DAB1: variants seen among roughly 807,000 people sequenced by gnomAD.
DAB1 encodes DAB adaptor protein 1.
In DAB1, 15 loss-of-function variants were observed where a neutral mutation model predicts 64.6. That is an observed-to-expected ratio of 0.23 (90% CI 0.16 to 0.36). The LOEUF (loss-of-function observed/expected upper bound fraction) is 0.36, where lower values mean the gene tolerates loss of function less well. Among genes scored for constraint, DAB1 ranks in the 10% least tolerant of loss-of-function variants. DAB1 has a pLI of 1.00. For synonymous variants in DAB1, 235 were observed against 251.9 expected (o/e 0.93, Z 0.64); for missense variants, 596 against 706.7 (o/e 0.84, Z 1.78).
At chr1:57,099,904 C>G (rs750048021) in intron 4 of DAB1, among the ~76,000 whole-genome samples, 1 of 152,164 alleles carries the variant, frequency 6.6e-6, no homozygotes, top group Non-Finnish European at 1.5e-5. Context: ...AGACCTGTAC[C>G]TGCCTTAACT....
At chr1:57,964,107 T>C (rs1645594246) in intron 5 of DAB1, among the ~76,000 whole-genome samples, 1 of 152,132 alleles carries the variant, frequency 6.6e-6, no homozygotes, top group African/African-American at 2.4e-5. Context: ...GGGGAGGGGC[T>C]AGGGGTAACA....
intron 7 of DAB1, among the ~76,000 whole-genome samples, chr1:57,570,092 C>T (rs963228718): frequency 9.9e-5 from 15 of 151,960 alleles, no homozygotes; most frequent in Admixed American, 8.5e-4. Flanking sequence ...GAGGGTGTTC[C>T]CATAGGAGAT....
chr1:58,087,998 T>G (rs1432941829), intron 5 of DAB1, among the ~76,000 whole-genome samples: 1 of 152,220 alleles, frequency 6.6e-6, no homozygotes, highest in East Asian at 1.9e-4. Context: ...TTTTACTGTT[T>G]GTTTTGTTTC....
At chr1:58,192,928 A>G (rs2100235938) in intron 4 of DAB1, among the ~76,000 whole-genome samples, 1 of 152,360 alleles carries the variant, frequency 6.6e-6, no homozygotes, top group African/African-American at 2.4e-5. Context: ...TGAACAAAAC[A>G]ATGTGAATGT....
chr1:57,014,001 G>A (rs931850065), intron 12 of DAB1, among the ~76,000 whole-genome samples: 8 of 152,186 alleles, frequency 5.3e-5, no homozygotes, highest in Non-Finnish European at 1.2e-4. Flanking sequence ...ACAGCTTGTG[G>A]TGGAGGAGTC....
intron 2 of DAB1, among the ~76,000 whole-genome samples, chr1:58,515,378 T>A (rs769469376): frequency 7.2e-5 from 11 of 152,194 alleles, no homozygotes. Flanking sequence ...ATTTTCTGCA[T>A]CTTTTGATTG....
intron 7 of DAB1, among the ~76,000 whole-genome samples, chr1:57,582,764 G>A (rs1173859380): frequency 1.3e-5 from 2 of 152,214 alleles, no homozygotes; most frequent in Non-Finnish European, 2.9e-5. Context: ...ACAAGATCCT[G>A]ACTTGGTTTA....
intron 4 of DAB1, among the ~76,000 whole-genome samples, chr1:57,113,383 A>G (rs968153583): frequency 6.6e-6 from 1 of 152,184 alleles, no homozygotes; most frequent in Non-Finnish European, 1.5e-5. Flanking sequence ...AGATGGGGAA[A>G]TTGAGGTACA....
intron 7 of DAB1, among the ~76,000 whole-genome samples, chr1:57,624,944 AT>A (rs1645904781): frequency 1.3e-5 from 2 of 152,246 alleles, no homozygotes; most frequent in South Asian, 4.1e-4. Context: ...ATTTTTTTCC[AT>A]TTATCTTGGG....
rs114190648 is a variant in DAB1 at position 57,612,823 on chromosome 1, T to C, written n.625+36769A>G. Among the ~76,000 whole-genome samples, 1,062 of 152,304 alleles carry C rather than the reference T, an allele frequency of 7.0e-3. 13 individuals carry two copies. The highest frequency in any genetic ancestry group is 0.025 in the African/African-American group (1,021 of 41,560). ...ACTAGAATGTAAACTGTAAACTTTA[T>C]AAATATAGGGATTATTTCCTAGAAT... On this transcript the variant is annotated intron_variant and non_coding_transcript_variant, in intron 7 of 20. Transcript: ENST00000485760.
intron 5 of DAB1, among the ~76,000 whole-genome samples, chr1:57,946,372 CCT>C: frequency 6.6e-6 from 1 of 152,144 alleles, no homozygotes; most frequent in East Asian, 1.9e-4. Context: ...TGCCCAAACC[CCT>C]GACTGCTTGT....
At chr1:57,412,243 A>G (rs975505174) in intron 1 of DAB1, among the ~76,000 whole-genome samples, 2 of 152,214 alleles carry the variant, frequency 1.3e-5, no homozygotes, top group African/African-American at 4.8e-5. Context: ...TGGCCTCCCA[A>G]TTCACTGAGA....
At chr1:58,460,660 G>A (rs532212883) in intron 3 of DAB1, among the ~76,000 whole-genome samples, 29 of 152,198 alleles carry the variant, frequency 1.9e-4, no homozygotes, top group Middle Eastern at 6.8e-3. Flanking sequence ...CCCTTCCCAC[G>A]CATGTGTGTA....
At chr1:57,399,716 TC>T (rs1683088262) in intron 1 of DAB1, among the ~76,000 whole-genome samples, 1 of 152,198 alleles carries the variant, frequency 6.6e-6, no homozygotes, top group Non-Finnish European at 1.5e-5. Flanking sequence ...TTGCCCAAGG[TC>T]ATACAGCTAG....
chr1:58,107,406 GT>G (rs1651719705), intron 5 of DAB1, among the ~76,000 whole-genome samples: 1 of 150,446 alleles, frequency 6.6e-6, no homozygotes, highest in Non-Finnish European at 1.5e-5. Flanking sequence ...AGGAGGCGGA[GT>G]TTGCAGTGAG....
At chr1:57,734,790 C>G (rs1647605120) in intron 6 of DAB1, among the ~76,000 whole-genome samples, 1 of 152,178 alleles carries the variant, frequency 6.6e-6, no homozygotes, top group East Asian at 1.9e-4. Context: ...TTGCAAATGT[C>G]TAGTCAATTC....
chr1:58,312,164 C>T (rs531868104), intron 4 of DAB1, among the ~76,000 whole-genome samples: 3 of 152,078 alleles, frequency 2.0e-5, no homozygotes, highest in Admixed American at 6.6e-5. Context: ...AATCCCTGCT[C>T]GGTGTGTGGC....
At chr1:57,182,798 C>T (rs1331258007) in intron 2 of DAB1, among the ~76,000 whole-genome samples, 1 of 152,062 alleles carries the variant, frequency 6.6e-6, no homozygotes, top group East Asian at 1.9e-4. Context: ...GAGAGAGAAC[C>T]TTGAGCCCAG....
At chr1:57,966,319 T>G (rs574231481) in intron 5 of DAB1, among the ~76,000 whole-genome samples, 6 of 152,176 alleles carry the variant, frequency 3.9e-5, no homozygotes, top group Non-Finnish European at 8.8e-5. Context: ...AATATCAAGC[T>G]GACTTTTTGT....
Sources: gnomAD v4.1 joint callset for allele counts (sites outside exome capture counted in the v4.1 genomes callset) on GRCh38, gnomAD v4.1.1 for gene constraint, MANE v1.5 for transcripts, NCBI Gene and HGNC (gene_info 2026-07-23, HGNC 2026-07-21) for gene names.